The following DHX40 variants were observed in gnomAD, a reference collection of about 807,000 sequenced individuals.
DHX40 encodes the protein DEAH-box helicase 40.
DHX40 carries 28 observed loss-of-function variants against 89.6 expected under a neutral mutation model. The ratio of observed to expected loss-of-function variants is 0.31; its 90% CI spans 0.23 to 0.43. The LOEUF (loss-of-function observed/expected upper bound fraction) is 0.43, where lower values mean the gene tolerates loss of function less well. Ranked by LOEUF, DHX40 falls within the 20% of genes least tolerant of loss-of-function variation. The probability of loss-of-function intolerance (pLI) is 1.00; values close to 1 mark genes in which losing one functional copy is unlikely to be tolerated. For synonymous variants in DHX40, 226 were observed against 283.6 expected (o/e 0.80, Z 2.04); for missense variants, 457 against 844.0 (o/e 0.54, Z 5.68).
At position 59,566,055 on chromosome 17, in the gene DHX40, T is replaced by C. The variant is rs566149522; in HGVS notation, c.112+272T>C. On this transcript the variant is annotated intron_variant, in intron 1 of 17. Transcript: ENST00000251241. ...TGCATTCTGTTCTTAAACAGGCTCA[T>C]AGACCCTTTGTTCTCTACCCATTCA... Among the ~76,000 whole-genome samples the C allele has an allele frequency of 9.2e-5, 14 of 152,282 alleles. 1 individual carries two copies. In the South Asian group the frequency reaches 2.9e-3, roughly 32 times the overall value.
intron 10 of DHX40, among the ~76,000 whole-genome samples, chr17:59,583,535 T>G (rs1285736524): frequency 4.5e-5 from 6 of 133,692 alleles, no homozygotes; most frequent in African/African-American, 1.5e-4. Flanking sequence ...GATCTGAAAT[T>G]ATCAGATCAT....
In DHX40 at chr17:59,605,549, T is replaced by C. The variant is rs747421171; in HGVS notation, c.2075T>C (p.Val692Ala). ...RIVCPIRYEW[V>A]RDLLPKLHEF... ...GTATGCCCAATCCGTTATGAATGGG[T>C]AAGAGACTTGTTACCCAAGTTGCAT... The change falls in exon 17 of 18, where the codon GTA becomes GCA. Residue 692 changes from valine (V) to alanine (A), a missense_variant. Val to Ala is a moderately conservative substitution (Grantham distance 64). This residue lies in a region of DHX40 where 120 missense variants were observed against 161.7 expected (regional missense o/e 0.74). Coordinates refer to ENST00000251241, the MANE Select transcript of DHX40 (RefSeq NM_024612.5). 1 of 1,614,122 alleles carries C rather than the reference T, an allele frequency of 6.2e-7. No individual in the cohort carries two copies. Among genetic ancestry groups the C allele is most frequent in the Admixed American group, 1.7e-5 (1 of 60,020 alleles).
At chr17:59,579,042 A>G (rs1288715467) in intron 8 of DHX40, among the ~76,000 whole-genome samples, 2 of 138,416 alleles carry the variant, frequency 1.4e-5, no homozygotes, top group African/African-American at 5.1e-5. Flanking sequence ...GTGTATATAT[A>G]CTACATACAT....
chr17:59,577,116 G>T, intron 7 of DHX40, 150 bp from the exon 8 acceptor site: 1 of 681,480 alleles, frequency 1.5e-6, no homozygotes, highest in Non-Finnish European at 2.7e-6. Context: ...TGATCCTCCC[G>T]CCTCAGCCTC....
Position 59,591,037 on chromosome 17 carries a change from G to A in DHX40, c.1582+2984G>A, listed in dbSNP as rs1006493468. Among the ~76,000 whole-genome samples, 8 of 151,220 alleles carry A rather than the reference G, an allele frequency of 5.3e-5. No homozygotes were observed. In the South Asian group the frequency reaches 1.1e-3, roughly 20 times the overall value. On this transcript the variant is annotated intron_variant, in intron 12 of 17. Coordinates refer to ENST00000251241, the MANE Select transcript of DHX40 (RefSeq NM_024612.5). The stretch of plus-strand genomic sequence containing the variant: ...AGAAATTAAAAAATAGGCCAGGTGT[G>A]GTGGCTCACACTTGTAATCCCAGCA...
intron 2 of DHX40, among the ~76,000 whole-genome samples, chr17:59,569,956 G>A (rs2333551): frequency 0.42 from 59,313 of 141,806 alleles, 16,608 homozygotes; most frequent in African/African-American, 0.79. Flanking sequence ...AGGCAGGAGA[G>A]TTGCTTGAAC....
chr17:59,571,803 C>A lies in DHX40; in HGVS notation c.426+1140C>A, dbSNP rs572659658. Among the ~76,000 whole-genome samples the A allele has an allele frequency of 2.0e-5, 3 of 152,030 alleles. No individual in the cohort carries two copies. The East Asian group carries it at 5.8e-4, about 30-fold the overall frequency. On this transcript the variant is annotated intron_variant, in intron 3 of 17. Coordinates refer to ENST00000251241, the MANE Select transcript of DHX40 (RefSeq NM_024612.5). Reference sequence around the variant, plus strand: ...GATGGGGTTGGTCTCAAATTCCTGACCTTGTGATCTGCCCACCTCGGCCTC... The same window carrying A: ...GATGGGGTTGGTCTCAAATTCCTGAACTTGTGATCTGCCCACCTCGGCCTC...
chr17:59,577,138 G>A, intron 7 of DHX40, 128 bp from the exon 8 acceptor site: 1 of 740,614 alleles, frequency 1.4e-6, no homozygotes, highest in Admixed American at 2.0e-5. Flanking sequence ...CAAAGTGCTG[G>A]GATTACAGGC....
rs1165685733 is a variant in DHX40, at chr17:59,573,853, A to C, written c.660A>C (p.Ala220=). ...CTATGGAATTAGCCAAGCTCTCTGC[A>C]TTCTTTGGAAATTGTCCAATATTTG... is the stretch of plus-strand genomic sequence containing the variant. ...SATMELAKLS[A]FFGNCPIFDI... Residue 220 remains alanine, a synonymous_variant, in exon 5 of 18, where the codon GCA becomes GCC. Coordinates refer to ENST00000251241, the MANE Select transcript of DHX40 (RefSeq NM_024612.5). 3.1e-6 allele frequency: 5 copies of C among 1,613,022 alleles called. No homozygotes were observed. The highest frequency in any genetic ancestry group is 4.2e-6 in the Non-Finnish European group (5 of 1,179,606).
chr17:59,580,804 G>C (rs1469447497), intron 10 of DHX40, among the ~76,000 whole-genome samples: 4 of 150,720 alleles, frequency 2.7e-5, no homozygotes, highest in African/African-American at 7.4e-5. Flanking sequence ...GAAGGGGGCT[G>C]GGCGTGGTGG....
chr17:59,600,413 A>T (rs911373880), intron 14 of DHX40, among the ~76,000 whole-genome samples: 6 of 151,924 alleles, frequency 3.9e-5, no homozygotes, highest in African/African-American at 1.4e-4. Flanking sequence ...CTTACTGTAT[A>T]TAAGTTTGCA....
In DHX40 at chr17:59,575,416, A is replaced by G. The variant is rs772022764; in HGVS notation, c.918A>G (p.Gln306=). The change falls in exon 7 of 18, where the codon CAA becomes CAG. Residue 306 remains glutamine (Q), a synonymous_variant. Transcript: ENST00000251241. The part of the protein sequence containing the change: ...AESVDYDYDV[Q]DTTLDGLLIL... ...CTGTTGATTATGATTATGATGTTCA[A>G]GATACCACCCTCGATGGCTTGTTAA... 13 of 1,612,902 alleles carry G rather than the reference A, an allele frequency of 8.1e-6. No homozygotes were observed. The highest frequency in any genetic ancestry group is 5.3e-5 in the African/African-American group (4 of 74,890).
chr17:59,569,381 C>A (rs186371580), intron 2 of DHX40, among the ~76,000 whole-genome samples: 4 of 150,152 alleles, frequency 2.7e-5, no homozygotes, highest in Admixed American at 2.0e-4. Flanking sequence ...CAGTTTTACT[C>A]TTGTGGCAAA....
chr17:59,572,256 ACTAT>A (rs2048820213), intron 3 of DHX40, among the ~76,000 whole-genome samples: 1 of 152,102 alleles, frequency 6.6e-6, no homozygotes, highest in Non-Finnish European at 1.5e-5. Context: ...TCCCCAAAAT[ACTAT>A]CTTTTTGCCT....
Position 59,606,973 on chromosome 17 carries a change from A to G in DHX40, c.2201-60A>G, listed in dbSNP as rs1053349469. On this transcript the variant is annotated intron_variant, in intron 17 of 17. Coordinates refer to ENST00000251241, the MANE Select transcript of DHX40 (RefSeq NM_024612.5). Reference sequence around the variant, plus strand: ...AAAATCAGGGCTTCTCTTTCTCTTAACATTTCTAGTACTGAATCTCAAAGC... The same window carrying G: ...AAAATCAGGGCTTCTCTTTCTCTTAGCATTTCTAGTACTGAATCTCAAAGC... 11 of 1,436,642 alleles carry G rather than the reference A, an allele frequency of 7.7e-6. No homozygotes were observed. The Admixed American group carries it at 1.7e-4, about 22-fold the overall frequency. The allele number at this position is 1,436,642 out of a possible 1,614,324, so 89.0% of individuals were successfully genotyped here.
rs375002205 is a variant in DHX40, at chr17:59,580,990, G to A, written c.1343+1111G>A. On this transcript the variant is annotated intron_variant, in intron 10 of 17. Coordinates refer to ENST00000251241, the MANE Select transcript of DHX40 (RefSeq NM_024612.5). The stretch of plus-strand genomic sequence containing the variant: ...CCAGCTACTCCGGAGGCTGAAGCAC[G>A]AGAATCACTTGAACCCAGGAGGCAG... Among the ~76,000 whole-genome samples, 95 of 150,266 alleles carry A rather than the reference G, an allele frequency of 6.3e-4. 1 individual carries two copies. In the East Asian group the frequency reaches 0.017, roughly 27 times the overall value.
At position 59,579,679 on chromosome 17, in the gene DHX40, GT is replaced by G; in HGVS notation, c.1161-11del. On this transcript the variant is annotated splice_polypyrimidine_tract_variant and intron_variant, in intron 9 of 17. Transcript: ENST00000251241. ...ACAGAACATTTTGGGGAATTTTTGG[GT>G]TTTTTTCCTTTTGTAGGAGCGAGGC... is the stretch of plus-strand genomic sequence containing the variant. The G allele has an allele frequency of 2.3e-6, 1 of 434,136 alleles. No individual in the cohort carries two copies. Among genetic ancestry groups the G allele is most frequent in the Non-Finnish European group, 3.3e-6 (1 of 306,656 alleles). The allele number at this position is 434,136 out of a possible 1,614,324, so 26.9% of individuals were successfully genotyped here.
At chr17:59,600,129 C>G (rs999596641) in intron 14 of DHX40, among the ~76,000 whole-genome samples, 1 of 152,024 alleles carries the variant, frequency 6.6e-6, no homozygotes, top group African/African-American at 2.4e-5. Context: ...TGTCCTCATT[C>G]CCTTTCATAA....
chr17:59,566,724 A>G lies in DHX40; in HGVS notation c.210A>G (p.Ser70=). 1.2e-6 allele frequency: 2 copies of G among 1,604,694 alleles called. No individual in the cohort carries two copies. The highest frequency in any genetic ancestry group is 1.7e-6 in the Non-Finnish European group (2 of 1,177,816). The part of the protein sequence containing the change: ...KKIIQAVRDN[S]FLIVTGNTGS... ...TTATTCAAGCTGTGAGGGACAATTC[A>G]TTCCTTATTGTTACTGGAAATACAG... Residue 70 remains serine (S), a synonymous_variant, in exon 2 of 18, where the codon TCA becomes TCG. Coordinates refer to ENST00000251241, the MANE Select transcript of DHX40 (RefSeq NM_024612.5).
Sources: gnomAD v4.1 joint callset for allele counts (sites outside exome capture counted in the v4.1 genomes callset) on GRCh38, gnomAD v4.1.1 for gene constraint, gnomAD v4.1.1 regional missense constraint, MANE v1.5 for transcripts, NCBI Gene and HGNC (gene_info 2026-07-23, HGNC 2026-07-21) for gene names.